COL26A1: variants seen among roughly 807,000 people sequenced by gnomAD.
COL26A1 encodes collagen type XXVI alpha 1 chain.
Under a neutral mutation model 59.3 loss-of-function variants are expected in COL26A1, and 41 were observed. That is an observed-to-expected ratio of 0.69 (90% CI 0.54 to 0.90). The LOEUF is 0.90. COL26A1 is among the 40% of genes least tolerant of loss of function. The probability of loss-of-function intolerance (pLI) is 0.00; values close to 1 mark genes in which losing one functional copy is unlikely to be tolerated. For missense variants in COL26A1, 612 were observed against 602.3 expected (o/e 1.02, Z -0.17); for synonymous variants, 266 against 256.0 (o/e 1.04, Z -0.37).
chr7:101,553,085 C>T, intron 10 of COL26A1: 1 of 379,824 alleles, frequency 2.6e-6, no homozygotes, highest in Non-Finnish European at 4.7e-6. Context: ...CAGAATGAAG[C>T]ACTTACAGCC....
At chr7:101,426,863 G>A (rs1792660489) in intron 2 of COL26A1, among the ~76,000 whole-genome samples, 1 of 152,174 alleles carries the variant, frequency 6.6e-6, no homozygotes, top group African/African-American at 2.4e-5. Context: ...TCTGGCCTAG[G>A]CATGCCTTGA....
At chr7:101,423,110 C>G (rs994454445) in intron 2 of COL26A1, among the ~76,000 whole-genome samples, 1 of 151,920 alleles carries the variant, frequency 6.6e-6, no homozygotes, top group Non-Finnish European at 1.5e-5. Context: ...ACTAAAAATA[C>G]GAAAATTAGC....
At chr7:101,426,348 G>A (rs956619991) in intron 2 of COL26A1, among the ~76,000 whole-genome samples, 2 of 151,976 alleles carry the variant, frequency 1.3e-5, no homozygotes, top group Admixed American at 6.6e-5. Context: ...CTTCAATAAC[G>A]GGGGAATATT....
intron 1 of COL26A1, among the ~76,000 whole-genome samples, chr7:101,412,218 T>C (rs1792258366): frequency 6.6e-6 from 1 of 152,094 alleles, no homozygotes; most frequent in South Asian, 2.1e-4. Flanking sequence ...TGCCCACCAG[T>C]GCGCCATGTC....
chr7:101,370,659 A>C (rs762889662), intron 1 of COL26A1, among the ~76,000 whole-genome samples: 2 of 152,202 alleles, frequency 1.3e-5, no homozygotes, highest in Non-Finnish European at 2.9e-5. Flanking sequence ...GGCATGAGCC[A>C]CTGCACCCTG....
chr7:101,467,375 G>A (rs1301275514), intron 3 of COL26A1, among the ~76,000 whole-genome samples: 1 of 144,924 alleles, frequency 6.9e-6, no homozygotes, highest in East Asian at 1.9e-4. Context: ...GGGAGGATGG[G>A]GGGTGGTTTA....
At chr7:101,546,339 A>G (rs939413211) in intron 7 of COL26A1, among the ~76,000 whole-genome samples, 2 of 151,834 alleles carry the variant, frequency 1.3e-5, no homozygotes, top group African/African-American at 4.8e-5. Flanking sequence ...GGCTCAAGGG[A>G]TCCTCCCACC....
chr7:101,518,915 T>C (rs1164229725), intron 3 of COL26A1, among the ~76,000 whole-genome samples: 1 of 152,108 alleles, frequency 6.6e-6, no homozygotes, highest in Non-Finnish European at 1.5e-5. Context: ...GGGACCCCAA[T>C]CTGTCCCCAA....
intron 3 of COL26A1, among the ~76,000 whole-genome samples, chr7:101,517,095 C>T (rs915494671): frequency 1.3e-5 from 2 of 152,098 alleles, no homozygotes; most frequent in Non-Finnish European, 1.5e-5. Flanking sequence ...CTTCACTTGC[C>T]CCGTGATTCT....
intron 2 of COL26A1, among the ~76,000 whole-genome samples, chr7:101,441,704 C>T (rs574820353): frequency 6.6e-6 from 1 of 152,230 alleles, no homozygotes; most frequent in East Asian, 1.9e-4. Context: ...ATCTGGAGGG[C>T]TCCCGCCTGG....
At chr7:101,364,370 C>G (rs917045703) in intron 1 of COL26A1, among the ~76,000 whole-genome samples, 4 of 151,304 alleles carry the variant, frequency 2.6e-5, no homozygotes, top group Admixed American at 2.6e-4. Flanking sequence ...GGCAGAATCT[C>G]AACTCTGTTG....
intron 3 of COL26A1, among the ~76,000 whole-genome samples, chr7:101,463,636 T>TCCTTCCA (rs1793670321): frequency 1.2e-4 from 6 of 50,488 alleles, no homozygotes; most frequent in African/African-American, 4.7e-4. Flanking sequence ...TCTTCCTTCC[T>TCCTTCCA]TCCTTCCATC....
intron 3 of COL26A1, among the ~76,000 whole-genome samples, chr7:101,493,036 T>C (rs1214129020): frequency 3.9e-5 from 6 of 152,152 alleles, no homozygotes; most frequent in African/African-American, 1.4e-4. Context: ...CATTGTCAGA[T>C]TTAGTCCTCA....
intron 3 of COL26A1, among the ~76,000 whole-genome samples, chr7:101,524,940 T>A (rs1795209770): frequency 6.6e-6 from 1 of 152,188 alleles, no homozygotes; most frequent in Admixed American, 6.5e-5. Flanking sequence ...AAACAGACTC[T>A]GCCAGCCAAG....
At chr7:101,494,184 T>A (rs1261857535) in intron 3 of COL26A1, among the ~76,000 whole-genome samples, 1 of 142,790 alleles carries the variant, frequency 7.0e-6, no homozygotes, top group Non-Finnish European at 1.6e-5. Context: ...CAGGCTGGAG[T>A]GCAGTGGTGT....
At chr7:101,549,285 C>A in intron 9 of COL26A1, 62 bp downstream of exon 9, 1 of 1,174,262 alleles carries the variant, frequency 8.5e-7, no homozygotes, top group South Asian at 1.3e-5. Flanking sequence ...GGCCTTGTCT[C>A]CCTAGGGGAG....
chr7:101,424,537 G>A (rs1792599122), intron 2 of COL26A1, among the ~76,000 whole-genome samples: 1 of 152,182 alleles, frequency 6.6e-6, no homozygotes. Context: ...AGCGGAGGCT[G>A]CACTGAGCCA....
At chr7:101,555,670 G>C in intron 11 of COL26A1, 117 bp from the exon 12 acceptor site, 1 of 645,842 alleles carries the variant, frequency 1.5e-6, no homozygotes, top group Admixed American at 2.3e-5. Flanking sequence ...TGAGGGTGTC[G>C]GGTGGGAAGA....
chr7:101,449,127 AGG>A (rs1793269644), intron 3 of COL26A1, among the ~76,000 whole-genome samples: 1 of 152,156 alleles, frequency 6.6e-6, no homozygotes, highest in South Asian at 2.1e-4. Context: ...TGGAGGTTCC[AGG>A]GCTGACTTGG....
Sources: gnomAD v4.1 joint callset for allele counts (sites outside exome capture counted in the v4.1 genomes callset) on GRCh38, gnomAD v4.1.1 for gene constraint, MANE v1.5 for transcripts, NCBI Gene and HGNC (gene_info 2026-07-23, HGNC 2026-07-21) for gene names.